Variants in ROBO2 observed in about 807,000 individuals in gnomAD.
ROBO2 encodes the protein roundabout homolog 2.
ROBO2 carries 53 observed loss-of-function variants against 160.8 expected under a neutral mutation model. The ratio of observed to expected loss-of-function variants is 0.33; its 90% confidence interval spans 0.26 to 0.41. The LOEUF (loss-of-function observed/expected upper bound fraction) is 0.41. Among genes scored for constraint, ROBO2 ranks in the 10% least tolerant of loss-of-function variants. The probability of loss-of-function intolerance (pLI) is 1.00; values close to 1 mark genes in which losing one functional copy is unlikely to be tolerated. For missense variants in ROBO2, 1,577 were observed against 1,722.4 expected, an observed-to-expected ratio of 0.92 and a Z score of 1.49; for synonymous variants, 664 against 611.7, an observed-to-expected ratio of 1.09 and a Z score of -1.26.
At chr3:76,564,716 G>A (rs2084406448) in intron 2 of ROBO2, among the ~76,000 whole-genome samples, 1 of 152,174 alleles carries the variant, frequency 6.6e-6, no homozygotes, top group African/African-American at 2.4e-5. Flanking sequence ...GGTGGGGACA[G>A]GCCAGATTTC....
At chr3:76,413,076 A>G (rs1577036199) in intron 2 of ROBO2, among the ~76,000 whole-genome samples, 1 of 152,118 alleles carries the variant, frequency 6.6e-6, no homozygotes, top group South Asian at 2.1e-4. Context: ...TGGGGCTTCC[A>G]CCCTCTGGAG....
chr3:76,056,324 C>T (rs1363757204), intron 2 of ROBO2, among the ~76,000 whole-genome samples: 1 of 152,046 alleles, frequency 6.6e-6, no homozygotes, highest in Admixed American at 6.5e-5. Context: ...CAGACTGAAA[C>T]AAAATATTCT....
At chr3:76,097,162 A>C (rs530799728) in intron 2 of ROBO2, among the ~76,000 whole-genome samples, 1 of 152,262 alleles carries the variant, frequency 6.6e-6, no homozygotes, top group African/African-American at 2.4e-5. Flanking sequence ...GGTTTTACTG[A>C]ATGTGGTGAA....
chr3:76,605,571 T>A lies in ROBO2; in HGVS notation c.110-492443T>A, dbSNP rs544567590. 2.6e-5 allele frequency among the ~76,000 whole-genome samples: 4 copies of A among 152,226 alleles called. No homozygotes were observed. In the East Asian group the frequency reaches 7.7e-4, roughly 29 times the overall value. On this transcript the variant is annotated intron_variant, in intron 2 of 26. Coordinates refer to the ROBO2 transcript ENST00000487694. ...AATTTGGATGTTCTAATAGGCAGAATTTTTCCATAGGAAAGTTGGGTAGTC... is the reference window on the plus strand; with the variant it reads ...AATTTGGATGTTCTAATAGGCAGAAATTTTCCATAGGAAAGTTGGGTAGTC...
chr3:77,225,639 T>TTA (rs1002300032), intron 2 of ROBO2, among the ~76,000 whole-genome samples: 1 of 151,990 alleles, frequency 6.6e-6, no homozygotes, highest in Non-Finnish European at 1.5e-5. Context: ...AATAAAATGA[T>TTA]TTACTAAAGA....
intron 2 of ROBO2, among the ~76,000 whole-genome samples, chr3:76,243,990 A>G (rs1705464967): frequency 6.6e-6 from 1 of 152,062 alleles, no homozygotes; most frequent in South Asian, 2.1e-4. Flanking sequence ...ATTTGATTCT[A>G]TTGTCAGAAT....
At chr3:75,938,026 G>C (rs1313577894) in intron 2 of ROBO2, among the ~76,000 whole-genome samples, 1 of 151,348 alleles carries the variant, frequency 6.6e-6, no homozygotes, top group Non-Finnish European at 1.5e-5. Flanking sequence ...ATTTTCTTTA[G>C]GGTTTTTGTG....
chr3:76,599,752 T>A (rs1192965467), intron 2 of ROBO2, among the ~76,000 whole-genome samples: 4 of 152,242 alleles, frequency 2.6e-5, no homozygotes, highest in African/African-American at 9.6e-5. Context: ...CTGACTGGTG[T>A]GAGATGGTAT....
rs138700841 is a variant in ROBO2 at position 77,635,023 on chromosome 3, G to A, written c.3914G>A (p.Arg1305Gln). ...GACCAACAACCAGCATTGCCTCATC[G>A]AAGGGAAGGAATGACAGATGGTAGG... Residue 1305 changes from arginine (R) to glutamine (Q), a missense_variant, in exon 24 of 26, where the codon CGA becomes CAA. Around this residue, in one of 2 missense-constraint regions of ROBO2, gnomAD observed 637 missense variants for 586.9 expected, o/e 1.09. Transcript: ENST00000461745. 1.2e-4 allele frequency: 196 copies of A among 1,613,982 alleles called. No individual in the cohort carries two copies. In the East Asian group the frequency reaches 1.9e-3, roughly 15 times the overall value.
chr3:77,645,015 A>G, intron 25 of ROBO2, 111 bp downstream of exon 27: 2 of 1,119,816 alleles, frequency 1.8e-6, no homozygotes, highest in Admixed American at 2.0e-5. Context: ...CTCTGTTACA[A>G]AAACAATCAA....
At chr3:77,617,521 G>A in exon 22 of ROBO2, 3 of 1,614,126 alleles carry the variant, frequency 1.9e-6, no homozygotes, top group Non-Finnish European at 2.5e-6. Context: ...AGCTATGACA[G>A]TGATAGCTGG....
intron 2 of ROBO2, among the ~76,000 whole-genome samples, chr3:76,396,866 A>G (rs1279398433): frequency 6.6e-6 from 1 of 152,196 alleles, no homozygotes; most frequent in Non-Finnish European, 1.5e-5. Flanking sequence ...CATGGGTAGG[A>G]AGAATCAATA....
At chr3:77,644,311 C>A (rs114716314) in intron 24 of ROBO2, among the ~76,000 whole-genome samples, 3,243 of 152,060 alleles carry the variant, frequency 0.021, 68 homozygotes, top group Non-Finnish European at 0.034. Context: ...TAAGCTGAAA[C>A]AAAAAACATG....
intron 2 of ROBO2, among the ~76,000 whole-genome samples, chr3:76,885,333 A>C (rs1200805402): frequency 6.6e-6 from 1 of 152,186 alleles, no homozygotes; most frequent in African/African-American, 2.4e-5. Context: ...TAAGCTTTGA[A>C]TATGTGTGCA....
intron 2 of ROBO2, among the ~76,000 whole-genome samples, chr3:76,171,051 G>A (rs903860786): frequency 2.0e-5 from 3 of 152,114 alleles, no homozygotes; most frequent in African/African-American, 4.8e-5. Flanking sequence ...TGCCTTCAGA[G>A]ATGTCTGGTA....
At chr3:77,143,025 TTGA>T (rs2076829303) in intron 2 of ROBO2, among the ~76,000 whole-genome samples, 1 of 152,064 alleles carries the variant, frequency 6.6e-6, no homozygotes, top group Non-Finnish European at 1.5e-5. Flanking sequence ...ATTGTACTAA[TTGA>T]AAGCCCAGCA....
chr3:76,031,676 C>T (rs879112564), intron 2 of ROBO2, among the ~76,000 whole-genome samples: 2 of 152,010 alleles, frequency 1.3e-5, no homozygotes, highest in Non-Finnish European at 1.5e-5. Context: ...TATTGATTTG[C>T]ATATGTTAAA....
chr3:77,502,722 C>T (rs932037957), intron 5 of ROBO2, among the ~76,000 whole-genome samples: 4 of 152,074 alleles, frequency 2.6e-5, no homozygotes, highest in Non-Finnish European at 4.4e-5. Context: ...CAATGATTTA[C>T]GTAGCATTTA....
chr3:76,206,010 TCAAAA>T (rs1204571332), intron 2 of ROBO2, among the ~76,000 whole-genome samples: 1 of 152,132 alleles, frequency 6.6e-6, no homozygotes, highest in African/African-American at 2.4e-5. Flanking sequence ...GAAAAGAATG[TCAAAA>T]CAAAGAGAGA....
Sources: gnomAD v4.1 joint callset for allele counts (sites outside exome capture counted in the v4.1 genomes callset) on GRCh38, gnomAD v4.1.1 for gene constraint, gnomAD v4.1.1 regional missense constraint, MANE v1.5 for transcripts, NCBI Gene and HGNC (gene_info 2026-07-23, HGNC 2026-07-21) for gene names.